USP34: variants seen among roughly 807,000 people sequenced by gnomAD.
USP34 encodes the protein ubiquitin specific peptidase 34.
USP34 carries 70 observed loss-of-function variants against 460.3 expected under a neutral mutation model. The observed-to-expected ratio is 0.15, with a 90% CI of 0.13 to 0.19. The LOEUF (loss-of-function observed/expected upper bound fraction) is 0.19. USP34 is among the 10% of genes least tolerant of loss of function. The pLI is 1.00. For missense variants in USP34, 3,985 were observed against 4,236.2 expected, an observed-to-expected ratio of 0.94 and a Z score of 1.65; for synonymous variants, 1,647 against 1,405.3, an observed-to-expected ratio of 1.17 and a Z score of -3.85.
At chr2:61,455,469 T>G (rs1228120706) in intron 1 of USP34, among the ~76,000 whole-genome samples, 1 of 152,082 alleles carries the variant, frequency 6.6e-6, no homozygotes, top group Non-Finnish European at 1.5e-5. Context: ...TTTTTTGTTT[T>G]TGTTTTTCAA....
chr2:61,442,753 C>T (rs1487074592), intron 1 of USP34, among the ~76,000 whole-genome samples: 1 of 152,186 alleles, frequency 6.6e-6, no homozygotes, highest in South Asian at 2.1e-4. Flanking sequence ...AATCCCACTG[C>T]TAGGCATTTA....
intron 27 of USP34, among the ~76,000 whole-genome samples, chr2:61,306,378 G>A (rs1393951227): frequency 6.6e-6 from 1 of 152,186 alleles, no homozygotes; most frequent in Non-Finnish European, 1.5e-5. Flanking sequence ...ACAGATGGTT[G>A]TAGATGTGTG....
At chr2:61,271,391 T>A (rs1402127615) in intron 41 of USP34, among the ~76,000 whole-genome samples, 1 of 152,222 alleles carries the variant, frequency 6.6e-6, no homozygotes, top group East Asian at 1.9e-4. Context: ...CCATGAAGTA[T>A]AAATATCATG....
At chr2:61,464,896 T>C (rs1197754023) in intron 1 of USP34, among the ~76,000 whole-genome samples, 1 of 152,106 alleles carries the variant, frequency 6.6e-6, no homozygotes, top group East Asian at 1.9e-4. Context: ...TTGGCCTTTG[T>C]AAACTGGTTC....
At chr2:61,419,814 A>T (rs1041811437) in intron 2 of USP34, among the ~76,000 whole-genome samples, 1 of 152,196 alleles carries the variant, frequency 6.6e-6, no homozygotes, top group Non-Finnish European at 1.5e-5. Flanking sequence ...AGTATTATGC[A>T]ATATTCATCT....
chr2:61,231,789 T>C (rs960382157), intron 58 of USP34, among the ~76,000 whole-genome samples: 5 of 138,098 alleles, frequency 3.6e-5, no homozygotes, highest in African/African-American at 1.5e-4. Context: ...AGAGGACTGC[T>C]TGTGACAGAG....
At position 61,353,392 on chromosome 2, in the gene USP34, A is replaced by ATTT. The variant is rs1282016277; in HGVS notation, c.1252-2700_1252-2699insAAA. On this transcript the variant is annotated intron_variant, in intron 10 of 79. Transcript: ENST00000398571. ...TCCACCTGTTGCACTTCCTAGACGA[A>ATTT]TGTTTTTTTTTTTTTTTTTGAGACA... Among the ~76,000 whole-genome samples the ATTT allele has an allele frequency of 4.2e-5, 6 of 143,872 alleles. No individual in the cohort carries two copies. The East Asian group carries it at 8.0e-4, about 19-fold the overall frequency. 94.4% of individuals were successfully genotyped at this position (143,872 alleles called of 152,430 possible). A position where few individuals can be genotyped will look rare whatever the true frequency, so the allele number is the denominator to read the frequency against.
chr2:61,283,101 A>G, intron 37 of USP34, 44 bp downstream of exon 37: 1 of 1,592,204 alleles, frequency 6.3e-7, no homozygotes, highest in Non-Finnish European at 8.6e-7. Flanking sequence ...ATAACATGAA[A>G]ACATACAAAA....
intron 5 of USP34, 24 bp downstream of exon 5, chr2:61,394,829 A>G: frequency 6.7e-7 from 1 of 1,483,758 alleles, no homozygotes; most frequent in Non-Finnish European, 8.9e-7. Flanking sequence ...CCCAAAATTA[A>G]GATCAATTCA....
At chr2:61,379,311 G>A (rs1384634926) in intron 7 of USP34, among the ~76,000 whole-genome samples, 1 of 152,138 alleles carries the variant, frequency 6.6e-6, no homozygotes, top group South Asian at 2.1e-4. Context: ...CTGAGGTCAG[G>A]AATTCCAGAC....
intron 69 of USP34, among the ~76,000 whole-genome samples, chr2:61,210,222 A>G (rs1042487266): frequency 2.0e-5 from 3 of 152,094 alleles, no homozygotes; most frequent in African/African-American, 7.3e-5. Flanking sequence ...CCACTCATTC[A>G]CTGGCTTACC....
intron 3 of USP34, among the ~76,000 whole-genome samples, chr2:61,399,744 GCGCC>G (rs1693652938): frequency 6.6e-6 from 1 of 151,520 alleles, no homozygotes; most frequent in Non-Finnish European, 1.5e-5. Context: ...GTGGTGGCGG[GCGCC>G]TGTAATCCCA....
In USP34 at chr2:61,234,184, G is replaced by A. The variant is rs1005129267; in HGVS notation, c.7033-1652C>T. Among the ~76,000 whole-genome samples the A allele has an allele frequency of 9.9e-5, 15 of 152,282 alleles. No homozygotes were observed. In the South Asian group the frequency reaches 1.7e-3, roughly 17 times the overall value. ...CACTTTAGTGTTTGAAATTTCTGAG[G>A]AATAGATTCCCTTACTCTATTTCTA... On this transcript the variant is annotated intron_variant, in intron 57 of 79. Coordinates refer to ENST00000398571, the MANE Select transcript of USP34 (RefSeq NM_014709.4).
At chr2:61,192,127 A>G (rs993200782) in intron 76 of USP34, among the ~76,000 whole-genome samples, 3 of 152,230 alleles carry the variant, frequency 2.0e-5, no homozygotes, top group East Asian at 3.9e-4. Flanking sequence ...ACCAGACTCA[A>G]AATACTTCAG....
At chr2:61,421,255 T>C (rs1694347963) in intron 1 of USP34, among the ~76,000 whole-genome samples, 1 of 152,206 alleles carries the variant, frequency 6.6e-6, no homozygotes, top group African/African-American at 2.4e-5. Flanking sequence ...GCAGCACTGA[T>C]TCCAGCCTCC....
At chr2:61,298,327 C>A (rs1208848371) in intron 29 of USP34, among the ~76,000 whole-genome samples, 1 of 126,874 alleles carries the variant, frequency 7.9e-6, no homozygotes, top group Non-Finnish European at 1.6e-5. Flanking sequence ...CAAGACCATG[C>A]TGGCTAACAG....
At chr2:61,289,663 C>T (rs1393433795) in intron 33 of USP34, among the ~76,000 whole-genome samples, 8 of 151,650 alleles carry the variant, frequency 5.3e-5, no homozygotes, top group African/African-American at 9.7e-5. Context: ...ATTACTGAAC[C>T]GAAAGAAAGA....
intron 38 of USP34, 71 bp from the exon 39 acceptor site, chr2:61,280,419 T>A: frequency 1.4e-6 from 1 of 720,162 alleles, no homozygotes; most frequent in Non-Finnish European, 2.0e-6. Context: ...TTTAAGAAAC[T>A]AGAGGCTTTA....
At chr2:61,375,347 A>T (rs1692759562) in intron 8 of USP34, among the ~76,000 whole-genome samples, 2 of 152,224 alleles carry the variant, frequency 1.3e-5, no homozygotes, top group Non-Finnish European at 2.9e-5. Flanking sequence ...AGCTCCAATG[A>T]AAGTTAAAGG....
Sources: gnomAD v4.1 joint callset for allele counts (sites outside exome capture counted in the v4.1 genomes callset) on GRCh38, gnomAD v4.1.1 for gene constraint, MANE v1.5 for transcripts, NCBI Gene and HGNC (gene_info 2026-07-23, HGNC 2026-07-21) for gene names.